Variants in USH2A observed in about 807,000 individuals in gnomAD.
The protein encoded by USH2A is usherin, also known as Usher syndrome 2A (autosomal recessive, mild).
In USH2A, 443 loss-of-function variants were observed where a neutral mutation model predicts 538.9. The observed-to-expected ratio is 0.82, with a 90% CI of 0.76 to 0.89. USH2A has a LOEUF of 0.89. Among genes scored for constraint, USH2A ranks in the 40% least tolerant of loss-of-function variants. The pLI is 0.00. For synonymous variants in USH2A, 2,413 were observed against 2,273.5 expected, an observed-to-expected ratio of 1.06 and a Z score of -1.75; for missense variants, 6,633 against 6,324.8, an observed-to-expected ratio of 1.05 and a Z score of -1.65.
intron 11 of USH2A, among the ~76,000 whole-genome samples, chr1:216,269,760 A>G (rs2036540047): frequency 2.0e-5 from 3 of 152,094 alleles, no homozygotes; most frequent in Admixed American, 2.0e-4. Context: ...CCAGGACCTC[A>G]CCATTTTGGA....
In USH2A at chr1:216,323,365, T is replaced by C. The variant is rs557361533; in HGVS notation, c.1550+109A>G. The C allele has an allele frequency of 2.0e-5, 21 of 1,074,784 alleles. No homozygotes were observed. In the South Asian group the frequency reaches 2.5e-4, roughly 13 times the overall value. 66.6% of individuals were successfully genotyped at this position (1,074,784 alleles called of 1,614,324 possible). A position where few individuals can be genotyped will look rare whatever the true frequency, so the allele number is the denominator to read the frequency against. On this transcript the variant is annotated intron_variant, in intron 8 of 71. Transcript: ENST00000307340. ...TCCCCTAAAATCTTAGAGTATGAAATCATTTCAAAATGTAAAGCTTGAAAT... is the reference window on the plus strand; with the variant it reads ...TCCCCTAAAATCTTAGAGTATGAAACCATTTCAAAATGTAAAGCTTGAAAT...
intron 54 of USH2A, 87 bp from the exon 55 acceptor site, chr1:215,780,128 G>A: frequency 2.7e-6 from 4 of 1,469,274 alleles, no homozygotes; most frequent in Non-Finnish European, 3.8e-6. Context: ...GTTTTAAAAT[G>A]TTGTCTGGCC....
intron 32 of USH2A, 73 bp from the exon 33 acceptor site, chr1:216,000,635 T>G (rs1005271144): frequency 2.3e-4 from 360 of 1,553,432 alleles, no homozygotes; most frequent in Middle Eastern, 1.7e-4. Flanking sequence ...TCCTCCACTA[T>G]AGTCCTATCT....
At chr1:216,377,708 C>G (rs1404698853) in intron 3 of USH2A, among the ~76,000 whole-genome samples, 7 of 114,352 alleles carry the variant, frequency 6.1e-5, no homozygotes, top group South Asian at 2.6e-4. Context: ...CAGGGGAGAG[C>G]AGGGGAGGGG....
At chr1:216,185,631 C>T (rs1012297487) in intron 20 of USH2A, among the ~76,000 whole-genome samples, 7 of 151,770 alleles carry the variant, frequency 4.6e-5, no homozygotes, top group African/African-American at 1.7e-4. Flanking sequence ...ATAATATATA[C>T]TCTCCAAATT....
At chr1:215,859,010 AG>A (rs1664245034) in intron 44 of USH2A, among the ~76,000 whole-genome samples, 1 of 152,042 alleles carries the variant, frequency 6.6e-6, no homozygotes, top group Non-Finnish European at 1.5e-5. Context: ...CTAGCTGCTG[AG>A]TTTTCCCATG....
At chr1:216,173,153 C>A (rs190229010) in intron 21 of USH2A, among the ~76,000 whole-genome samples, 2 of 152,098 alleles carry the variant, frequency 1.3e-5, no homozygotes, top group African/African-American at 4.8e-5. Context: ...AGGAAAGATG[C>A]AAGTTTACAG....
At chr1:215,773,492 G>GTCTCTCTCTCTCTCTC (rs930672000) in intron 55 of USH2A, among the ~76,000 whole-genome samples, 1 of 84,438 alleles carries the variant, frequency 1.2e-5, no homozygotes, top group Admixed American at 1.1e-4. Context: ...CTGTCTCTCT[G>GTCTCTCTCTCTCTCTC]TCTCTCTCTC....
chr1:215,816,569 G>C (rs1662862231), intron 48 of USH2A, among the ~76,000 whole-genome samples: 1 of 151,906 alleles, frequency 6.6e-6, no homozygotes, highest in Non-Finnish European at 1.5e-5. Flanking sequence ...CTGTATTATT[G>C]ATCTGATTTC....
intron 64 of USH2A, among the ~76,000 whole-genome samples, chr1:215,667,503 C>A (rs570686729): frequency 6.6e-6 from 1 of 152,022 alleles, no homozygotes; most frequent in African/African-American, 2.4e-5. Flanking sequence ...TCAAGACTAG[C>A]CTGGCCAAGA....
chr1:215,781,383 T>C (rs529402082), intron 54 of USH2A, among the ~76,000 whole-genome samples: 2 of 152,218 alleles, frequency 1.3e-5, no homozygotes, highest in African/African-American at 2.4e-5. Context: ...TTCTCTTTTT[T>C]AAAAATTTGC....
chr1:215,770,543 T>C (rs569500886), intron 55 of USH2A, among the ~76,000 whole-genome samples: 11 of 152,298 alleles, frequency 7.2e-5, no homozygotes, highest in Admixed American at 6.5e-4. Context: ...TCTCTTTTCA[T>C]TGGACTCTAT....
chr1:215,916,007 A>G (rs1665943194), intron 38 of USH2A, among the ~76,000 whole-genome samples: 2 of 131,546 alleles, frequency 1.5e-5, no homozygotes, highest in South Asian at 5.1e-4. Context: ...TGGACACATG[A>G]AGGGGAACAT....
intron 58 of USH2A, among the ~76,000 whole-genome samples, chr1:215,754,480 G>A (rs1213266634): frequency 2.6e-5 from 4 of 151,448 alleles, no homozygotes; most frequent in South Asian, 4.1e-4. Flanking sequence ...CAGCTTACCT[G>A]TCTAAGGTTA....
At chr1:215,882,711 G>GA (rs911719196) in intron 41 of USH2A, among the ~76,000 whole-genome samples, 1 of 151,878 alleles carries the variant, frequency 6.6e-6, no homozygotes, top group Admixed American at 6.6e-5. Flanking sequence ...ACTTTTCACA[G>GA]AAAAAAAGTT....
intron 48 of USH2A, among the ~76,000 whole-genome samples, chr1:215,816,236 A>G (rs1294738950): frequency 6.6e-6 from 1 of 152,084 alleles, no homozygotes; most frequent in Non-Finnish European, 1.5e-5. Flanking sequence ...TGTAGGCATA[A>G]TGATAATTTT....
chr1:216,274,414 C>T (rs539443303), intron 11 of USH2A, among the ~76,000 whole-genome samples: 20 of 152,180 alleles, frequency 1.3e-4, no homozygotes, highest in Admixed American at 2.6e-4. Context: ...TATATTTATA[C>T]AGTATATTGT....
chr1:215,939,703 G>T (rs1666589494), intron 37 of USH2A, among the ~76,000 whole-genome samples: 1 of 151,938 alleles, frequency 6.6e-6, no homozygotes, highest in South Asian at 2.1e-4. Context: ...ACATAAATGG[G>T]TATCCTTTCC....
At chr1:216,380,491 A>G (rs1486966891) in intron 3 of USH2A, among the ~76,000 whole-genome samples, 1 of 152,192 alleles carries the variant, frequency 6.6e-6, no homozygotes, top group African/African-American at 2.4e-5. Context: ...TGATAAGTTA[A>G]GAAAATGTGT....
Sources: gnomAD v4.1 joint callset for allele counts (sites outside exome capture counted in the v4.1 genomes callset) on GRCh38, gnomAD v4.1.1 for gene constraint, MANE v1.5 for transcripts, NCBI Gene and HGNC (gene_info 2026-07-23, HGNC 2026-07-21) for gene names.